The following ITSN1 variants were observed in gnomAD, a reference collection of about 807,000 sequenced individuals.
ITSN1 encodes intersectin 1.
ITSN1 carries 58 observed loss-of-function variants against 239.8 expected under a neutral mutation model. The ratio of observed to expected loss-of-function variants is 0.24; its 90% CI spans 0.20 to 0.30. ITSN1 has a LOEUF of 0.30. Among genes scored for constraint, ITSN1 ranks in the 10% least tolerant of loss-of-function variants. ITSN1 has a pLI of 1.00. For synonymous variants in ITSN1, 780 were observed against 770.8 expected (o/e 1.01, Z -0.20); for missense variants, 1,558 against 2,103.3 (o/e 0.74, Z 5.07).
chr21:33,880,235 A>G (rs1984676126), intron 34 of ITSN1, among the ~76,000 whole-genome samples: 1 of 152,224 alleles, frequency 6.6e-6, no homozygotes, highest in Admixed American at 6.5e-5. Context: ...CTGTCTGAAG[A>G]TAGAGAAGTT....
chr21:33,861,416 G>A (rs982597651), intron 31 of ITSN1, among the ~76,000 whole-genome samples: 8 of 152,078 alleles, frequency 5.3e-5, no homozygotes, highest in Non-Finnish European at 1.2e-4. Context: ...AGGGGGTAGG[G>A]CAGTTATCAA....
rs1180503443 is a variant in ITSN1, at chr21:33,893,955, A to G, written c.*5655A>G. The G allele has an allele frequency of 6.6e-6, 1 of 152,218 alleles. No homozygotes were observed. Among genetic ancestry groups the G allele is most frequent in the Non-Finnish European group, 1.5e-5 (1 of 68,048 alleles). The allele number at this position is 152,218 out of a possible 1,614,324, so 9.4% of individuals were successfully genotyped here. ...TTGGGAGCATTAAAACCCAGACACC[A>G]AGACACACTAGACAGTCCATCTCTG... On this transcript the variant is annotated 3_prime_UTR_variant, in exon 40 of 40. Coordinates refer to ENST00000381318, the MANE Select transcript of ITSN1 (RefSeq NM_003024.3).
chr21:33,831,159 T>C (rs540489012), intron 27 of ITSN1, among the ~76,000 whole-genome samples: 2 of 152,246 alleles, frequency 1.3e-5, no homozygotes, highest in Non-Finnish European at 2.9e-5. Flanking sequence ...CCATCCAAAG[T>C]GAAGATCAGC....
chr21:33,853,212 CCT>C (rs1358067461), intron 29 of ITSN1, among the ~76,000 whole-genome samples: 1 of 152,218 alleles, frequency 6.6e-6, no homozygotes, highest in Non-Finnish European at 1.5e-5. Flanking sequence ...GGGCCATCCC[CCT>C]GTCTCCAGGC....
At chr21:33,800,121 AT>A (rs2148068323) in intron 19 of ITSN1, among the ~76,000 whole-genome samples, 192 bp downstream of exon 19, 1 of 152,300 alleles carries the variant, frequency 6.6e-6, no homozygotes, top group East Asian at 1.9e-4. Flanking sequence ...AAAAAAATGT[AT>A]CCTAACATCA....
chr21:33,842,748 A>T (rs2074867520), intron 29 of ITSN1, among the ~76,000 whole-genome samples: 1 of 151,990 alleles, frequency 6.6e-6, no homozygotes, highest in Admixed American at 6.6e-5. Context: ...CCTTATTTTG[A>T]CTCAGACTAT....
chr21:33,765,754 G>A, intron 9 of ITSN1, 121 bp from the exon 10 acceptor site: 2 of 946,944 alleles, frequency 2.1e-6, no homozygotes, highest in Admixed American at 2.1e-5. Flanking sequence ...GACAAAATGA[G>A]GGACAAAGAG....
intron 14 of ITSN1, among the ~76,000 whole-genome samples, chr21:33,775,940 A>T (rs906339556): frequency 1.3e-5 from 2 of 152,182 alleles, no homozygotes; most frequent in Admixed American, 1.3e-4. Flanking sequence ...CATCAAATTC[A>T]TGTAAATATT....
chr21:33,708,747 A>G (rs1158992746), intron 1 of ITSN1, among the ~76,000 whole-genome samples: 1 of 152,224 alleles, frequency 6.6e-6, no homozygotes, highest in East Asian at 1.9e-4. Flanking sequence ...GCCTAAGTTC[A>G]GGAAGATATT....
chr21:33,735,874 C>T (rs939336879), intron 5 of ITSN1, among the ~76,000 whole-genome samples: 27 of 151,870 alleles, frequency 1.8e-4, no homozygotes, highest in African/African-American at 5.6e-4. Context: ...TGTGGTGGTG[C>T]GCACCTGTAA....
chr21:33,834,716 C>T (rs1377910448), intron 28 of ITSN1, among the ~76,000 whole-genome samples: 2 of 152,092 alleles, frequency 1.3e-5, no homozygotes, highest in African/African-American at 2.4e-5. Flanking sequence ...TGATTTCCTT[C>T]CAGCCATTTA....
intron 34 of ITSN1, among the ~76,000 whole-genome samples, chr21:33,876,306 C>CTCCT (rs370173741): frequency 0.012 from 1,758 of 142,766 alleles, 48 homozygotes; most frequent in African/African-American, 0.043. Flanking sequence ...CTCTTTCTTT[C>CTCCT]TCCTTCCTTC....
chr21:33,691,229 CAT>C (rs2091532773), intron 1 of ITSN1, among the ~76,000 whole-genome samples: 1 of 152,098 alleles, frequency 6.6e-6, no homozygotes, highest in Non-Finnish European at 1.5e-5. Context: ...CAGTAACTGT[CAT>C]ATAATAAACA....
intron 19 of ITSN1, among the ~76,000 whole-genome samples, chr21:33,801,645 G>A (rs1335400328): frequency 6.6e-6 from 1 of 151,932 alleles, no homozygotes; most frequent in African/African-American, 2.4e-5. Context: ...TTTACATTTT[G>A]TAGAGACAGA....
intron 1 of ITSN1, among the ~76,000 whole-genome samples, chr21:33,674,304 T>A (rs1486581756): frequency 1.3e-5 from 2 of 152,240 alleles, no homozygotes; most frequent in African/African-American, 4.8e-5. Context: ...AAAATTACTT[T>A]GAAATACAAT....
chr21:33,689,661 G>A (rs1159844119), intron 1 of ITSN1, among the ~76,000 whole-genome samples: 5 of 152,068 alleles, frequency 3.3e-5, no homozygotes, highest in Non-Finnish European at 7.4e-5. Flanking sequence ...GGTAGCAAGG[G>A]CCTATCTCTA....
intron 6 of ITSN1, among the ~76,000 whole-genome samples, chr21:33,750,881 A>G (rs1189382919): frequency 6.6e-6 from 1 of 152,236 alleles, no homozygotes; most frequent in Non-Finnish European, 1.5e-5. Flanking sequence ...TTAAAGTATA[A>G]AACTGTAGAT....
In ITSN1 at chr21:33,813,943, A is replaced by G. The variant is rs2073095456; in HGVS notation, c.2598A>G (p.Glu866=). Residue 866 remains glutamate (E), a synonymous_variant, in exon 22 of 40, where the codon GAA becomes GAG. Coordinates refer to ENST00000381318, the MANE Select transcript of ITSN1 (RefSeq NM_003024.3). ...TWPTSTNEKP[E]TDNWDAWAAQ... ...CCACCAGCACGAATGAGAAACCAGA[A>G]ACGGATAACTGGGATGCATGGGCAG... 6.2e-7 allele frequency: 1 copy of G among 1,613,838 alleles called. No homozygotes were observed. Among genetic ancestry groups the G allele is most frequent in the Non-Finnish European group, 8.5e-7 (1 of 1,179,980 alleles).
At chr21:33,711,013 G>C (rs186092464) in intron 1 of ITSN1, among the ~76,000 whole-genome samples, 1 of 151,898 alleles carries the variant, frequency 6.6e-6, no homozygotes, top group Non-Finnish European at 1.5e-5. Context: ...GGATGGTCTC[G>C]ATCTCCTGAC....
Sources: gnomAD v4.1 joint callset for allele counts (sites outside exome capture counted in the v4.1 genomes callset) on GRCh38, gnomAD v4.1.1 for gene constraint, MANE v1.5 for transcripts, NCBI Gene and HGNC (gene_info 2026-07-23, HGNC 2026-07-21) for gene names.